Variants in PPEF2 observed in about 807,000 individuals in gnomAD.
The protein encoded by PPEF2 is serine/threonine-protein phosphatase with EF-hands 2.
Under a neutral mutation model 84.7 loss-of-function variants are expected in PPEF2, and 84 were observed. That is an observed-to-expected ratio of 0.99 (90% CI 0.83 to 1.19). PPEF2 has a LOEUF of 1.19. Among genes scored for constraint, PPEF2 ranks in the 50% most tolerant of loss-of-function variants. The pLI is 0.00. For missense variants in PPEF2, 924 were observed against 937.5 expected (o/e 0.99, Z 0.19); for synonymous variants, 346 against 345.2 (o/e 1.00, Z -0.03).
chr4:75,866,436 CCTT>C, intron 14 of PPEF2, 84 bp from the exon 15 acceptor site: 1 of 1,497,498 alleles, frequency 6.7e-7, no homozygotes, highest in South Asian at 1.2e-5. Context: ...ATCCTGACAT[CCTT>C]CTTACTATCT....
intron 7 of PPEF2, among the ~76,000 whole-genome samples, chr4:75,885,927 T>C (rs1406865977): frequency 6.6e-6 from 1 of 151,982 alleles, no homozygotes; most frequent in Admixed American, 6.6e-5. Flanking sequence ...GAGAATCACT[T>C]GAACCTGGGA....
At chr4:75,894,837 G>A (rs1272268429) in intron 2 of PPEF2, among the ~76,000 whole-genome samples, 1 of 152,244 alleles carries the variant, frequency 6.6e-6, no homozygotes, top group Non-Finnish European at 1.5e-5. Context: ...AGCCTGTGGC[G>A]TGTGTGGGTT....
In PPEF2 at chr4:75,872,157, A is replaced by G. The variant is rs1724297919; in HGVS notation, c.1517T>C (p.Ile506Thr). 1.2e-6 allele frequency: 2 copies of G among 1,613,446 alleles called. No homozygotes were observed. The highest frequency in any genetic ancestry group is 1.6e-4 in the Middle Eastern group (1 of 6,078). The change falls in exon 13 of 17, where the codon ATC becomes ACC. Residue 506 changes from isoleucine (I) to threonine (T), a missense_variant. Physicochemically the swap from Ile to Thr is moderately conservative, Grantham distance 89 (BLOSUM62 -1). Coordinates refer to ENST00000286719, the MANE Select transcript of PPEF2 (RefSeq NM_006239.3). ...EFCHNRKVLT[I>T]FSASNYYEVG... ...TTCATAGTAGTTGGAGGCAGAAAAG[A>G]TTGTTAATACCTACATCAAAACAGA...
chr4:75,866,664 T>G (rs1724139982), intron 14 of PPEF2: 1 of 373,674 alleles, frequency 2.7e-6, no homozygotes, highest in Admixed American at 4.3e-5. Flanking sequence ...ACATTTTTGT[T>G]TACTAAATCT....
chr4:75,867,552 CT>C, intron 13 of PPEF2, 133 bp from the exon 14 acceptor site: 1 of 616,882 alleles, frequency 1.6e-6, no homozygotes, highest in African/African-American at 1.9e-5. Flanking sequence ...GGGAGAGCGC[CT>C]TTACTCTTCC....
At chr4:75,861,435 C>A (rs918429221) in intron 16 of PPEF2, among the ~76,000 whole-genome samples, 1 of 113,914 alleles carries the variant, frequency 8.8e-6, no homozygotes, top group Admixed American at 1.2e-4. Flanking sequence ...TTTTTTTCAA[C>A]AATGATGGGG....
intron 1 of PPEF2, among the ~76,000 whole-genome samples, chr4:75,901,520 C>CA (rs72095152): frequency 0.017 from 2,229 of 133,340 alleles, 62 homozygotes; most frequent in African/African-American, 0.059. Context: ...GACTCCACCT[C>CA]AAAAAAAAAA....
intron 14 of PPEF2, 119 bp downstream of exon 14, chr4:75,867,194 C>A: frequency 1.5e-6 from 1 of 652,366 alleles, no homozygotes; most frequent in Non-Finnish European, 2.6e-6. Context: ...GAGGATATAG[C>A]CAAAGGGAAC....
intron 16 of PPEF2, among the ~76,000 whole-genome samples, chr4:75,862,503 A>T (rs1724031643): frequency 6.6e-6 from 1 of 152,082 alleles, no homozygotes; most frequent in African/African-American, 2.4e-5. Flanking sequence ...TTGAATAGAC[A>T]TTTCTCCAAA....
chr4:75,895,150 GGGCATGGT>G (rs2149229695), intron 2 of PPEF2, among the ~76,000 whole-genome samples: 1 of 131,410 alleles, frequency 7.6e-6, no homozygotes, highest in South Asian at 2.3e-4. Flanking sequence ...TTTTTTTGCT[GGGCATGGT>G]GGCTCACTTC....
intron 2 of PPEF2, among the ~76,000 whole-genome samples, chr4:75,893,769 G>T (rs146017603): frequency 6.6e-6 from 1 of 152,288 alleles, no homozygotes; most frequent in East Asian, 1.9e-4. Flanking sequence ...AGCATTCTAT[G>T]GCCAGTGCTG....
chr4:75,871,947 A>G, intron 13 of PPEF2, 78 bp downstream of exon 13: 1 of 1,409,008 alleles, frequency 7.1e-7, no homozygotes, highest in Non-Finnish European at 9.6e-7. Flanking sequence ...GAATAAATAT[A>G]ACGTTTGACA....
Position 75,860,838 on chromosome 4 carries a change from G to C in PPEF2, c.2091C>G (p.Ile697Met), listed in dbSNP as rs374528029. Reference sequence around the variant, plus strand: ...AATCAATGCTCCGAGCAAGGTCACAGATGCAGTCATCTGTAATGTCGATAT... The same window carrying C: ...AATCAATGCTCCGAGCAAGGTCACACATGCAGTCATCTGTAATGTCGATAT... ...HMNIDITDDC[I>M]CDLARSIDFN... Residue 697 changes from isoleucine to methionine, a missense_variant, in exon 17 of 17, where the codon ATC becomes ATG. Coordinates refer to ENST00000286719, the MANE Select transcript of PPEF2 (RefSeq NM_006239.3). The C allele has an allele frequency of 1.2e-4, 187 of 1,614,142 alleles. No homozygotes were observed. The highest frequency in any genetic ancestry group is 1.5e-4 in the Non-Finnish European group (174 of 1,180,054).
At chr4:75,863,323 C>A (rs1339915090) in intron 16 of PPEF2, among the ~76,000 whole-genome samples, 6 of 94,482 alleles carry the variant, frequency 6.4e-5, no homozygotes, top group African/African-American at 2.4e-4. Flanking sequence ...AATCCTGTCT[C>A]TACTAAAAAT....
intron 8 of PPEF2, 149 bp downstream of exon 8, chr4:75,884,445 T>C: frequency 2.3e-6 from 2 of 872,872 alleles, no homozygotes; most frequent in Non-Finnish European, 3.2e-6. Context: ...AAAATTTTTT[T>C]TTGAATGTTA....
At chr4:75,897,419 T>A (rs1725034179) in intron 1 of PPEF2, among the ~76,000 whole-genome samples, 1 of 152,144 alleles carries the variant, frequency 6.6e-6, no homozygotes, top group Admixed American at 6.6e-5. Context: ...TCCCAGATGA[T>A]CCCTAAACTT....
rs540625821 is a variant in PPEF2, at chr4:75,877,741, T to C, written c.934-1068A>G. Among the ~76,000 whole-genome samples, 163 of 152,234 alleles carry C rather than the reference T, an allele frequency of 1.1e-3. 1 individual carries two copies. Among genetic ancestry groups the C allele is most frequent in the East Asian group, 9.3e-3 (48 of 5,182 alleles). Reference sequence around the variant, plus strand: ...AAGGTTTTTTACATAGGTACACACATGTCACAGGGGGTTGTTTTACATATT... The same window carrying C: ...AAGGTTTTTTACATAGGTACACACACGTCACAGGGGGTTGTTTTACATATT... On this transcript the variant is annotated intron_variant, in intron 10 of 16. Transcript: ENST00000286719.
chr4:75,890,068 G>T lies in PPEF2; in HGVS notation c.306C>A (p.Cys102Ter), dbSNP rs1261700644. The change falls in exon 5 of 17, where the codon TGC (cysteine) becomes TGA (stop). Residue 102 changes from cysteine (C) to a stop codon, truncating the protein, a stop_gained. Transcript: ENST00000286719. LOFTEE classifies it high-confidence loss of function. ...GTACCTCTATGGATTCATAGTCACT[G>T]CATTTCTTCATCTCGGAGTCCTGGG... is the stretch of plus-strand genomic sequence containing the variant. ...RFAQDSEMKK[C>*]SDYESIEVPD... 45 of 1,613,976 alleles carry T rather than the reference G, an allele frequency of 2.8e-5. No individual in the cohort carries two copies. The highest frequency in any genetic ancestry group is 3.6e-5 in the Non-Finnish European group (42 of 1,180,010).
chr4:75,873,343 A>G (rs780654731), intron 11 of PPEF2, 31 bp from the exon 12 acceptor site: 19 of 1,557,980 alleles, frequency 1.2e-5, no homozygotes, highest in Admixed American at 1.8e-5. Context: ...TTTCCTTCCC[A>G]AAAACTAGAT....
Sources: allele counts gnomAD v4.1 joint callset (sites outside exome capture counted in the v4.1 genomes callset), GRCh38; gene constraint gnomAD v4.1.1; transcripts MANE v1.5; gene names NCBI Gene and HGNC (gene_info 2026-07-23, HGNC 2026-07-21).